SIPA1L1: variants seen among roughly 807,000 people sequenced by gnomAD.
SIPA1L1 encodes the protein signal induced proliferation associated 1 like 1, also known as signal-induced proliferation-associated 1-like protein 1.
A neutral mutation model predicts 162.7 loss-of-function variants in SIPA1L1; 26 were observed. That is an observed-to-expected ratio of 0.16 (90% CI 0.12 to 0.22). SIPA1L1 has a LOEUF of 0.22. Ranked by LOEUF, SIPA1L1 falls within the 10% of genes least tolerant of loss-of-function variation. SIPA1L1 has a pLI of 1.00. For missense variants in SIPA1L1, 1,874 were observed against 2,241.0 expected, an observed-to-expected ratio of 0.84 and a Z score of 3.31; for synonymous variants, 829 against 837.4, an observed-to-expected ratio of 0.99 and a Z score of 0.17.
rs1026484478 is a variant in SIPA1L1 at position 71,661,402 on chromosome 14, C to T, written c.2190C>T (p.Ser730=). 6.2e-7 allele frequency: 1 copy of T among 1,613,978 alleles called. No individual in the cohort carries two copies. Among genetic ancestry groups the T allele is most frequent in the South Asian group, 1.1e-5 (1 of 91,080 alleles). The change falls in exon 10 of 24, where the codon TCC becomes TCT. Residue 730 remains serine, a synonymous_variant. Transcript: ENST00000381232. ...AQPFSPKNIR[S]HFQHVFVIVR... ...CATTCAGCCCAAAAAACATCCGATC[C>T]CACTTCCAGCACGTTTTCGTCATCG...
At chr14:71,617,753 C>A (rs999056564) in intron 5 of SIPA1L1, among the ~76,000 whole-genome samples, 1 of 152,042 alleles carries the variant, frequency 6.6e-6, no homozygotes, top group Non-Finnish European at 1.5e-5. Context: ...ATGTCACAAT[C>A]CAGTCATTTA....
chr14:71,454,663 G>C (rs2046063429), intron 2 of SIPA1L1, among the ~76,000 whole-genome samples: 1 of 152,104 alleles, frequency 6.6e-6, no homozygotes, highest in African/African-American at 2.4e-5. Flanking sequence ...GTGCCTGATT[G>C]GGTGCAAAGG....
At chr14:71,672,849 A>T (rs1038318320) in intron 12 of SIPA1L1, among the ~76,000 whole-genome samples, 5 of 152,220 alleles carry the variant, frequency 3.3e-5, no homozygotes, top group Non-Finnish European at 4.4e-5. Flanking sequence ...CAGGATTTAC[A>T]TCACTGGATT....
At chr14:71,585,860 C>G (rs1042448577) in intron 4 of SIPA1L1, among the ~76,000 whole-genome samples, 3 of 152,102 alleles carry the variant, frequency 2.0e-5, no homozygotes, top group African/African-American at 7.2e-5. Flanking sequence ...TTCAGTTGTT[C>G]AATTTTCCTT....
chr14:71,456,355 T>C (rs760063609), intron 2 of SIPA1L1, among the ~76,000 whole-genome samples: 22 of 152,378 alleles, frequency 1.4e-4, no homozygotes, highest in East Asian at 5.8e-4. Flanking sequence ...GAAATTCTTA[T>C]TGATACAAGT....
chr14:71,404,417 G>A (rs1357893646), intron 2 of SIPA1L1, among the ~76,000 whole-genome samples: 3 of 152,160 alleles, frequency 2.0e-5, no homozygotes, highest in African/African-American at 7.2e-5. Flanking sequence ...GATGGCAGGC[G>A]CCTGTAATCC....
intron 13 of SIPA1L1, among the ~76,000 whole-genome samples, chr14:71,693,009 C>T (rs2149687500): frequency 6.6e-6 from 1 of 152,264 alleles, no homozygotes; most frequent in East Asian, 1.9e-4. Context: ...AGCCCCACCT[C>T]TTAGAGTCTG....
chr14:71,640,683 G>A (rs1322716941), intron 7 of SIPA1L1, among the ~76,000 whole-genome samples: 1 of 152,152 alleles, frequency 6.6e-6, no homozygotes, highest in Non-Finnish European at 1.5e-5. Context: ...GGAGTGCAGT[G>A]GTGCAGTCTT....
intron 22 of SIPA1L1, among the ~76,000 whole-genome samples, chr14:71,736,989 C>T (rs559573384): frequency 3.3e-5 from 5 of 152,336 alleles, no homozygotes; most frequent in East Asian, 1.9e-4. Context: ...CTACCACATC[C>T]GTGGCCTTCA....
chr14:71,588,652 T>G lies in SIPA1L1; in HGVS notation c.780T>G (p.Asp260Glu). Reference sequence around the variant, plus strand: ...GCAAGGGTTCTGGTTTCTCTTTGGATGTAATAGACGGGCCTATCTCACAGA... The same window carrying G: ...GCAAGGGTTCTGGTTTCTCTTTGGAGGTAATAGACGGGCCTATCTCACAGA... ...GGGKGSGFSL[D>E]VIDGPISQRE... Residue 260 changes from aspartate (D) to glutamate (E), a missense_variant, in exon 5 of 24, where the codon GAT (aspartate) becomes GAG (glutamate). This residue lies in a region of SIPA1L1 where 685 missense variants were observed against 828.0 expected (regional missense o/e 0.83). Transcript: ENST00000381232. This position sits in a 1 kb window ranked among gnomAD's most constrained non-coding sequence, Gnocchi z 4.3. The G allele has an allele frequency of 6.2e-7, 1 of 1,614,046 alleles. No individual in the cohort carries two copies. Among genetic ancestry groups the G allele is most frequent in the Non-Finnish European group, 8.5e-7 (1 of 1,179,972 alleles).
At chr14:71,434,345 G>A (rs2044221197) in intron 2 of SIPA1L1, among the ~76,000 whole-genome samples, 4 of 152,276 alleles carry the variant, frequency 2.6e-5, no homozygotes, top group Middle Eastern at 3.4e-3. Flanking sequence ...ATATGTAGAA[G>A]GATATGAGTA....
intron 4 of SIPA1L1, among the ~76,000 whole-genome samples, chr14:71,538,776 C>T (rs553556736): frequency 7.9e-5 from 12 of 152,146 alleles, no homozygotes; most frequent in East Asian, 3.9e-4. Context: ...GGATACAAGA[C>T]GGCAAAGTAG....
At chr14:71,648,973 G>C (rs555973228) in intron 7 of SIPA1L1, among the ~76,000 whole-genome samples, 5 of 152,266 alleles carry the variant, frequency 3.3e-5, no homozygotes, top group African/African-American at 1.2e-4. Flanking sequence ...TGCCTTGTGG[G>C]CTATTGTGAG....
intron 10 of SIPA1L1, among the ~76,000 whole-genome samples, chr14:71,662,623 A>G (rs900361967): frequency 3.3e-5 from 5 of 152,128 alleles, no homozygotes; most frequent in African/African-American, 4.8e-5. Flanking sequence ...CCTCTCTTAC[A>G]TGCTGGGAAA....
chr14:71,393,954 C>T (rs1331277378), intron 2 of SIPA1L1, among the ~76,000 whole-genome samples: 1 of 152,226 alleles, frequency 6.6e-6, no homozygotes, highest in Non-Finnish European at 1.5e-5. Context: ...TAGAAAGTCA[C>T]TTGTTAACAA....
intron 4 of SIPA1L1, among the ~76,000 whole-genome samples, chr14:71,563,293 A>G (rs1390276840): frequency 6.6e-6 from 1 of 151,204 alleles, no homozygotes; most frequent in Admixed American, 6.6e-5. Context: ...AAACTTGACA[A>G]TAATAGTACC....
At chr14:71,645,648 A>G (rs536356593) in intron 7 of SIPA1L1, among the ~76,000 whole-genome samples, 2 of 152,312 alleles carry the variant, frequency 1.3e-5, no homozygotes, top group South Asian at 2.1e-4. Flanking sequence ...GGAAGGGGTG[A>G]GTGTATAGCG....
At chr14:71,645,241 C>A (rs2042058755) in intron 7 of SIPA1L1, among the ~76,000 whole-genome samples, 2 of 152,156 alleles carry the variant, frequency 1.3e-5, no homozygotes, top group African/African-American at 4.8e-5. Flanking sequence ...CTTTTAAGGA[C>A]CTTTCAGTTA....
At chr14:71,650,268 T>C (rs763430543) in intron 7 of SIPA1L1, 67 bp from the exon 8 acceptor site, 2 of 1,538,392 alleles carry the variant, frequency 1.3e-6, no homozygotes, top group Admixed American at 3.3e-5. Flanking sequence ...ATAGGACCTT[T>C]TAGCATTTGA....
Sources: gnomAD v4.1 joint callset for allele counts (sites outside exome capture counted in the v4.1 genomes callset) on GRCh38, gnomAD v4.1.1 for gene constraint, gnomAD v4.1.1 regional missense constraint, Gnocchi (gnomAD v3.1) non-coding constraint, MANE v1.5 for transcripts, NCBI Gene and HGNC (gene_info 2026-07-23, HGNC 2026-07-21) for gene names.